IGF2R: variants seen among roughly 807,000 people sequenced by gnomAD.
IGF2R encodes the protein cation-independent mannose-6-phosphate receptor.
Under a neutral mutation model 270.6 loss-of-function variants are expected in IGF2R, and 91 were observed. The ratio of observed to expected loss-of-function variants is 0.34; its 90% CI spans 0.28 to 0.40. The LOEUF is 0.40. Among genes scored for constraint, IGF2R ranks in the 10% least tolerant of loss-of-function variants. IGF2R has a pLI of 1.00. For missense variants in IGF2R, 2,805 were observed against 3,188.3 expected, an observed-to-expected ratio of 0.88 and a Z score of 2.90; for synonymous variants, 1,316 against 1,258.9, an observed-to-expected ratio of 1.05 and a Z score of -0.96.
chr6:160,027,394 T>G, intron 6 of IGF2R, 80 bp downstream of exon 6: 4 of 1,452,250 alleles, frequency 2.8e-6, no homozygotes, highest in Non-Finnish European at 2.8e-6. Flanking sequence ...AGGAACATCC[T>G]TTTTCAGCAA....
At position 160,061,549 on chromosome 6, in the gene IGF2R, G is replaced by A. The variant is rs1332643336; in HGVS notation, c.3309G>A (p.Arg1103=). Residue 1103 remains arginine (R), a synonymous_variant, in exon 24 of 48, where the codon AGG becomes AGA. Coordinates refer to ENST00000356956, the MANE Select transcript of IGF2R (RefSeq NM_000876.4). ...ACCTGACTGGCCTAAGCACAGTCAG[G>A]AAACCTTGGACGGCTGTTGACACCT... ...EYDLTGLSTV[R]KPWTAVDTSV... is the part of the protein sequence containing the mutation. 2 of 1,614,036 alleles carry A rather than the reference G, an allele frequency of 1.2e-6. No homozygotes were observed. The highest frequency in any genetic ancestry group is 1.7e-6 in the Non-Finnish European group (2 of 1,180,022).
In IGF2R at chr6:160,096,612, G is replaced by T; in HGVS notation, c.6829G>T (p.Val2277Leu). The T allele has an allele frequency of 6.2e-7, 1 of 1,613,488 alleles. No homozygotes were observed. The highest frequency in any genetic ancestry group is 8.5e-7 in the Non-Finnish European group (1 of 1,179,626). ...CCTCTTCTCTTGGTACACCTCAGCC[G>T]TGTGTCCTCTGGGGTGAGTATGACA... ...QYLFSWYTSA[V>L]CPLGVGFDSE... The change falls in exon 45 of 48, where the codon GTG (valine) becomes TTG (leucine). Residue 2277 changes from valine (V) to leucine (L), a missense_variant. By Grantham distance (32) the Val-to-Leu change is conservative. Around this residue, in one of 2 missense-constraint regions of IGF2R, gnomAD observed 1,851 missense variants for 2,207.2 expected, o/e 0.84. Coordinates refer to ENST00000356956, the MANE Select transcript of IGF2R (RefSeq NM_000876.4).
chr6:160,032,842 G>A, intron 8 of IGF2R, 100 bp from the exon 9 acceptor site: 1 of 1,395,984 alleles, frequency 7.2e-7, no homozygotes, highest in Non-Finnish European at 9.8e-7. Context: ...TTGGGCTGGT[G>A]TTTCAGAAAT....
chr6:160,068,160 C>G, intron 29 of IGF2R, 89 bp from the exon 30 acceptor site: 2 of 1,498,986 alleles, frequency 1.3e-6, no homozygotes, highest in East Asian at 4.6e-5. Flanking sequence ...TAGACTATGC[C>G]TGAATACTTG....
At chr6:160,094,456 T>G (rs1337255873) in intron 44 of IGF2R, 1 of 166,648 alleles carries the variant, frequency 6.0e-6, no homozygotes, top group African/African-American at 2.4e-5. Flanking sequence ...CAACATACTG[T>G]TCACGTAGTC....
At chr6:159,969,561 A>C (rs1783575912) in intron 1 of IGF2R, among the ~76,000 whole-genome samples, 166 bp downstream of exon 1, 1 of 151,842 alleles carries the variant, frequency 6.6e-6, no homozygotes, top group South Asian at 2.1e-4. Context: ...GGTGTCCGCG[A>C]GTCCCGCCGG....
intron 36 of IGF2R, among the ~76,000 whole-genome samples, chr6:160,076,544 T>G (rs1260572400): frequency 2.0e-5 from 3 of 152,242 alleles, no homozygotes; most frequent in Non-Finnish European, 4.4e-5. Context: ...ACGTTTTCTT[T>G]TGATCCCTGC....
rs1778445268 is a variant in IGF2R at position 160,061,813 on chromosome 6, A to C, written c.3467A>C (p.Gln1156Pro). The C allele has an allele frequency of 6.2e-7, 1 of 1,614,218 alleles. No homozygotes were observed. Among genetic ancestry groups the C allele is most frequent in the Non-Finnish European group, 8.5e-7 (1 of 1,180,034 alleles). The change falls in exon 25 of 48, where the codon CAG becomes CCG. Residue 1156 changes from glutamine (Q) to proline (P), a missense_variant. Transcript: ENST00000356956. ...AATAGCTGGAATCTGGGTGTGGTGCAGATGAGTCCCCAAGCCGCGGCGAAT... is the reference window on the plus strand; with the variant it reads ...AATAGCTGGAATCTGGGTGTGGTGCCGATGAGTCCCCAAGCCGCGGCGAAT... ...EGNSWNLGVV[Q>P]MSPQAAANGS...
At chr6:160,079,534 CT>C in intron 37 of IGF2R, 45 bp from the exon 38 acceptor site, 1 of 1,328,116 alleles carries the variant, frequency 7.5e-7, no homozygotes, top group Non-Finnish European at 9.8e-7. Context: ...ACTTTGAGAC[CT>C]GGGTGCTGCC....
At chr6:160,094,375 C>G (rs1460372038) in intron 44 of IGF2R, 5 of 217,130 alleles carry the variant, frequency 2.3e-5, no homozygotes, top group Non-Finnish European at 4.6e-5. Flanking sequence ...GCTGCCTTCC[C>G]TCTGGCGAGT....
chr6:159,989,706 C>T (rs1490916233), intron 1 of IGF2R, among the ~76,000 whole-genome samples: 1 of 152,188 alleles, frequency 6.6e-6, no homozygotes, highest in Non-Finnish European at 1.5e-5. Flanking sequence ...TGCTGGGATA[C>T]AGGCACGAGC....
At chr6:160,063,384 G>A (rs1481265421) in intron 26 of IGF2R, 31 bp from the exon 27 acceptor site, 2 of 1,539,844 alleles carry the variant, frequency 1.3e-6, no homozygotes, top group Non-Finnish European at 1.8e-6. Context: ...TGTGGTTGCA[G>A]TTGCCCTTCA....
intron 29 of IGF2R, among the ~76,000 whole-genome samples, chr6:160,067,650 C>T (rs780421764): frequency 5.3e-5 from 8 of 152,174 alleles, no homozygotes; most frequent in Admixed American, 1.3e-4. Flanking sequence ...GTTCCTGCTC[C>T]GTGGTGGCAG....
At chr6:160,046,111 A>G (rs1411134301) in intron 14 of IGF2R, among the ~76,000 whole-genome samples, 6 of 152,232 alleles carry the variant, frequency 3.9e-5, no homozygotes, top group Non-Finnish European at 8.8e-5. Context: ...TCGGAACACA[A>G]GGGAATAAAT....
At chr6:160,077,292 G>A (rs1778874036) in intron 36 of IGF2R, among the ~76,000 whole-genome samples, 1 of 152,166 alleles carries the variant, frequency 6.6e-6, no homozygotes, top group South Asian at 2.1e-4. Context: ...CTCTGTAGAT[G>A]CACACAGCAT....
chr6:160,016,322 C>T (rs906720733), intron 4 of IGF2R, among the ~76,000 whole-genome samples: 7 of 152,342 alleles, frequency 4.6e-5, no homozygotes, highest in Non-Finnish European at 7.3e-5. Flanking sequence ...ACCGTTGGGG[C>T]CAGTGCTTGT....
At chr6:159,989,546 C>T (rs539708500) in intron 1 of IGF2R, among the ~76,000 whole-genome samples, 1 of 152,276 alleles carries the variant, frequency 6.6e-6, no homozygotes, top group East Asian at 1.9e-4. Flanking sequence ...CTTATTGCCC[C>T]TCCTTTTAGC....
intron 44 of IGF2R, chr6:160,096,212 T>TAAAAC (rs959667391): frequency 4.7e-6 from 2 of 421,964 alleles, no homozygotes; most frequent in Non-Finnish European, 8.4e-6. Context: ...TACTCGTGGT[T>TAAAAC]AAAACAAAAC....
chr6:160,073,714 A>C, intron 34 of IGF2R, 43 bp from the exon 35 acceptor site: 1 of 1,554,782 alleles, frequency 6.4e-7, no homozygotes, highest in Middle Eastern at 1.7e-4. Flanking sequence ...GGTGATTAGG[A>C]AAATTTTTTT....
Sources: gnomAD v4.1 joint callset for allele counts (sites outside exome capture counted in the v4.1 genomes callset) on GRCh38, gnomAD v4.1.1 for gene constraint, gnomAD v4.1.1 regional missense constraint, MANE v1.5 for transcripts, NCBI Gene and HGNC (gene_info 2026-07-23, HGNC 2026-07-21) for gene names.